The following ABCC6 variants were observed in gnomAD, a reference collection of about 807,000 sequenced individuals.
The protein encoded by ABCC6 is ATP-binding cassette sub-family C member 6.
ABCC6 carries 126 observed loss-of-function variants against 169.5 expected under a neutral mutation model. That is an observed-to-expected ratio of 0.74 (90% CI 0.64 to 0.86). The LOEUF (loss-of-function observed/expected upper bound fraction) is 0.86, where lower values mean the gene tolerates loss of function less well. Ranked by LOEUF, ABCC6 falls within the 40% of genes least tolerant of loss-of-function variation. The pLI, the probability that ABCC6 is intolerant of heterozygous loss-of-function variation, is 0.00. For synonymous variants in ABCC6, 752 were observed against 814.7 expected (o/e 0.92, Z 1.31); for missense variants, 1,733 against 1,927.2 (o/e 0.90, Z 1.89).
intron 17 of ABCC6, among the ~76,000 whole-genome samples, chr16:16,180,960 A>G (rs1009730294): frequency 1.3e-5 from 2 of 152,134 alleles, no homozygotes; most frequent in African/African-American, 4.8e-5. Context: ...ATCCATAAAC[A>G]AGTAAGGCAG....
chr16:16,171,825 T>C (rs1448374038), intron 21 of ABCC6, among the ~76,000 whole-genome samples: 3 of 149,564 alleles, frequency 2.0e-5, no homozygotes, highest in Non-Finnish European at 4.4e-5. Context: ...GTGGGATGGA[T>C]GGATAAATGA....
Position 16,184,198 on chromosome 16 carries a change from CAAAAAAA to C in ABCC6, c.1943+754_1943+760del, listed in dbSNP as rs56071235. On this transcript the variant is annotated intron_variant, in intron 15 of 30. Transcript: ENST00000205557. ...CGCGTGATAGAGCAAGACTCCGTTT[CAAAAAAA>C]AAAAAAAAAAAAAAAAAAAAAAGAA... is the stretch of plus-strand genomic sequence containing the variant. 9.1e-3 allele frequency: 652 copies of C among 71,866 alleles called. 3 individuals carry two copies. Among genetic ancestry groups the C allele is most frequent in the African/African-American group, 0.032 (519 of 16,144 alleles). The allele number at this position is 71,866 out of a possible 1,614,324, so 4.5% of individuals were successfully genotyped here.
At chr16:16,153,152 G>A (rs568375258) in intron 29 of ABCC6, among the ~76,000 whole-genome samples, 2 of 152,140 alleles carry the variant, frequency 1.3e-5, no homozygotes, top group Non-Finnish European at 1.5e-5. Flanking sequence ...TGATCCACCC[G>A]CCTCGGCCTC....
At chr16:16,207,811 C>T (rs1001730838) in intron 7 of ABCC6, among the ~76,000 whole-genome samples, 6 of 151,092 alleles carry the variant, frequency 4.0e-5, no homozygotes, top group Non-Finnish European at 5.9e-5. Flanking sequence ...TGAGGCATCC[C>T]AGGCTCTAAG....
Position 16,182,606 on chromosome 16 carries a change from T to G in ABCC6, c.2071-18A>C, listed in dbSNP as rs1008942709. 7.5e-6 allele frequency: 12 copies of G among 1,609,946 alleles called. No individual in the cohort carries two copies. The highest frequency in any genetic ancestry group is 9.3e-6 in the Non-Finnish European group (11 of 1,177,244). Reference sequence around the variant, plus strand: ...ACAGCACCCTAAAACACAACTTACTTTGGTCACAGGAGGATGATGGGGACA... The same window carrying G: ...ACAGCACCCTAAAACACAACTTACTGTGGTCACAGGAGGATGATGGGGACA... On this transcript the variant is annotated intron_variant, in intron 16 of 30. Coordinates refer to ENST00000205557, the MANE Select transcript of ABCC6 (RefSeq NM_001171.6).
chr16:16,211,406 G>GA (rs1032618147), intron 6 of ABCC6, among the ~76,000 whole-genome samples: 3 of 150,906 alleles, frequency 2.0e-5, no homozygotes, highest in African/African-American at 7.3e-5. Context: ...CATCTCAAAA[G>GA]AAAAAAAAAT....
Position 16,157,670 on chromosome 16 carries a change from C to A in ABCC6, c.3875G>T (p.Gly1292Val). Residue 1292 changes from glycine (G) to valine (V), a missense_variant, in exon 27 of 31, where the codon GGA becomes GTA. By Grantham distance (109) the Gly-to-Val change is moderately radical. Around this residue, in one of 5 missense-constraint regions of ABCC6, gnomAD observed 1,601 missense variants for 1,635.5 expected, o/e 0.98. Coordinates refer to ENST00000205557, the MANE Select transcript of ABCC6 (RefSeq NM_001171.6). Reference protein sequence around the residue: ...VQGVSFKIHAGEKVGIVGRTG... With the variant: ...VQGVSFKIHAVEKVGIVGRTG... ...TGTGAGAGAACCACTCACCTTCTCT[C>A]CTGCGTGGATCTTGAAGGACACGCC... 1 of 1,614,114 alleles carries A rather than the reference C, an allele frequency of 6.2e-7. No individual in the cohort carries two copies. The highest frequency in any genetic ancestry group is 8.5e-7 in the Non-Finnish European group (1 of 1,180,004).
chr16:16,221,980 C>T (rs2141227905), intron 1 of ABCC6, 149 bp from the exon 2 acceptor site: 2 of 1,139,604 alleles, frequency 1.8e-6, no homozygotes, highest in East Asian at 5.1e-5. Flanking sequence ...TTCTCAATTC[C>T]TTTCATCCTG....
rs767359198 is a variant in ABCC6, at chr16:16,169,774, CAGAGGA to C, written c.2861_2866del (p.Phe954_Leu955del). 23 of 1,593,594 alleles carry C rather than the reference CAGAGGA, an allele frequency of 1.4e-5. No homozygotes were observed. In the African/African-American group the frequency reaches 2.0e-4, roughly 14 times the overall value. On this transcript the variant is annotated inframe_deletion, in exon 22 of 31. Transcript: ENST00000205557. ...CCGGCAGAAGGAGGCCACTTGCTGGCAGAGGAAGAGGAAGAGTGCGTAGAGGCAGAG... is the reference window on the plus strand; with the variant it reads ...CCGGCAGAAGGAGGCCACTTGCTGGCAGAGGAAGAGTGCGTAGAGGCAGAG...
intron 23 of ABCC6, among the ~76,000 whole-genome samples, chr16:16,165,011 A>G (rs1326227776): frequency 3.3e-5 from 5 of 152,254 alleles, no homozygotes; most frequent in Non-Finnish European, 7.4e-5. Context: ...GCTTCATATA[A>G]TAGCCTTTGA....
At chr16:16,193,235 C>A (rs1226666601) in intron 10 of ABCC6, among the ~76,000 whole-genome samples, 2 of 152,152 alleles carry the variant, frequency 1.3e-5, no homozygotes, top group South Asian at 4.1e-4. Flanking sequence ...AGCGCCATGA[C>A]AGTTTACAAA....
chr16:16,159,599 C>T lies in ABCC6; in HGVS notation c.3634-16G>A. The T allele has an allele frequency of 6.2e-7, 1 of 1,613,642 alleles. No individual in the cohort carries two copies. Among genetic ancestry groups the T allele is most frequent in the Non-Finnish European group, 8.5e-7 (1 of 1,179,618 alleles). Reference sequence around the variant, plus strand: ...TCTGGGTCACCTGGTGCAAGAAAGCCTCTCTGGCTGGGTTTGGCAAGGCCA... The same window carrying T: ...TCTGGGTCACCTGGTGCAAGAAAGCTTCTCTGGCTGGGTTTGGCAAGGCCA... On this transcript the variant is annotated splice_polypyrimidine_tract_variant and intron_variant, in intron 25 of 30. Transcript: ENST00000205557.
intron 11 of ABCC6, among the ~76,000 whole-genome samples, chr16:16,191,608 T>C (rs777472536): frequency 1.1e-4 from 16 of 149,250 alleles, no homozygotes; most frequent in Non-Finnish European, 2.2e-4. Flanking sequence ...CCCTATCTCC[T>C]TTCTTCCTCT....
chr16:16,222,817 C>G (rs993852771), intron 1 of ABCC6, among the ~76,000 whole-genome samples: 4 of 152,160 alleles, frequency 2.6e-5, no homozygotes, highest in African/African-American at 9.7e-5. Context: ...ACCGGCTGTG[C>G]AAACTTTAAC....
intron 6 of ABCC6, among the ~76,000 whole-genome samples, chr16:16,210,342 G>A (rs1460583944): frequency 1.4e-5 from 2 of 141,374 alleles, no homozygotes; most frequent in African/African-American, 2.7e-5. Flanking sequence ...TCACCATGTT[G>A]GTCAGGCTGG....
At chr16:16,208,628 T>A (rs565266173) in intron 7 of ABCC6, 100 bp downstream of exon 7, 1 of 1,597,836 alleles carries the variant, frequency 6.3e-7, no homozygotes, top group South Asian at 1.1e-5. Flanking sequence ...TGCCTCGGCC[T>A]CCCAAAATGC....
chr16:16,216,329 T>C (rs1031528595), intron 4 of ABCC6, among the ~76,000 whole-genome samples: 2 of 151,380 alleles, frequency 1.3e-5, no homozygotes, highest in African/African-American at 2.4e-5. Context: ...CCATTAACCA[T>C]CCCCATTTCC....
chr16:16,159,685 G>A (rs2046653229), intron 25 of ABCC6, 102 bp from the exon 26 acceptor site: 1 of 1,007,792 alleles, frequency 9.9e-7, no homozygotes, highest in Non-Finnish European at 1.5e-6. Flanking sequence ...CAGACCCAGG[G>A]GAGTAAAGAG....
At position 16,152,346 on chromosome 16, in the gene ABCC6, C is replaced by T. The variant is rs146957085; in HGVS notation, c.4209-1574G>A. On this transcript the variant is annotated intron_variant, in intron 29 of 30. Coordinates refer to ENST00000205557, the MANE Select transcript of ABCC6 (RefSeq NM_001171.6). Reference sequence around the variant, plus strand: ...AGGTGGGAACTGACCCCTGGGGCCCCAGCATGGCTGTCTTGCACAGTAAGC... The same window carrying T: ...AGGTGGGAACTGACCCCTGGGGCCCTAGCATGGCTGTCTTGCACAGTAAGC... Among the ~76,000 whole-genome samples the T allele has an allele frequency of 6.0e-3, 919 of 152,126 alleles. 11 individuals are homozygous for T. The highest frequency in any genetic ancestry group is 0.021 in the African/African-American group (865 of 41,506).
Sources: gnomAD v4.1 joint callset for allele counts (sites outside exome capture counted in the v4.1 genomes callset) on GRCh38, gnomAD v4.1.1 for gene constraint, gnomAD v4.1.1 regional missense constraint, MANE v1.5 for transcripts, NCBI Gene and HGNC (gene_info 2026-07-23, HGNC 2026-07-21) for gene names.